The following NEK7 variants were observed in gnomAD, a reference collection of about 807,000 sequenced individuals.
NEK7 encodes the protein NIMA related kinase 7, also known as serine/threonine-protein kinase Nek7.
NEK7 carries 18 observed loss-of-function variants against 44.6 expected under a neutral mutation model. The observed-to-expected ratio is 0.40, with a 90% CI of 0.28 to 0.60. NEK7 has a LOEUF of 0.60. Ranked by LOEUF, NEK7 falls within the 20% of genes least tolerant of loss-of-function variation. The pLI, the probability that NEK7 is intolerant of heterozygous loss-of-function variation, is 0.38. For synonymous variants in NEK7, 130 were observed against 121.1 expected (o/e 1.07, Z -0.48); for missense variants, 256 against 366.5 (o/e 0.70, Z 2.46).
At chr1:198,231,297 GTGTGTATATATATATATATATA>G (rs1438624033) in intron 1 of NEK7, among the ~76,000 whole-genome samples, 9 of 90,212 alleles carry the variant, frequency 1.0e-4, no homozygotes, top group African/African-American at 1.6e-4. Flanking sequence ...GTGTATGTGT[GTGTGTATATATATATATATATA>G]TATATATATA....
chr1:198,271,905 T>TTTTATATA (rs751259588), intron 5 of NEK7, among the ~76,000 whole-genome samples: 4,637 of 140,786 alleles, frequency 0.033, 86 homozygotes, highest in East Asian at 0.052. Flanking sequence ...AATTTATATT[T>TTTTATATA]TATATATATA....
rs948599353 is a variant in NEK7, at chr1:198,315,786, G to C, written c.799-3626G>C. ...GTGCTGTTAGGAAGAGCTGGTTGGG[G>C]AGAAAAAAATACTAATATTTCAGTT... On this transcript the variant is annotated intron_variant, in intron 9 of 9. Transcript: ENST00000367385. 3.3e-5 allele frequency among the ~76,000 whole-genome samples: 5 copies of C among 152,162 alleles called. No homozygotes were observed. In the South Asian group the frequency reaches 1.0e-3, roughly 32 times the overall value.
rs146347351 is a variant in NEK7, at chr1:198,251,190, G to A, written c.58-1850G>A. On this transcript the variant is annotated intron_variant, in intron 2 of 9. Coordinates refer to ENST00000367385, the MANE Select transcript of NEK7 (RefSeq NM_133494.3). ...TATATGCTGGATTACATTGATTTGCGTATACTGAACCAGCCTTGCATCCCA... is the reference window on the plus strand; with the variant it reads ...TATATGCTGGATTACATTGATTTGCATATACTGAACCAGCCTTGCATCCCA... Among the ~76,000 whole-genome samples the A allele has an allele frequency of 4.5e-4, 69 of 151,764 alleles. No individual in the cohort carries two copies. In the East Asian group the frequency reaches 0.01, roughly 23 times the overall value.
chr1:198,204,151 CCGGGAGGCTGGAG>C (rs892863177), intron 1 of NEK7, among the ~76,000 whole-genome samples: 1 of 152,038 alleles, frequency 6.6e-6, no homozygotes, highest in Non-Finnish European at 1.5e-5. Flanking sequence ...GCCCAGCTAC[CCGGGAGGCTGGAG>C]CGGGAGGATC....
intron 1 of NEK7, among the ~76,000 whole-genome samples, chr1:198,216,116 A>G (rs1665911566): frequency 1.3e-5 from 2 of 152,170 alleles, no homozygotes; most frequent in South Asian, 4.1e-4. Context: ...CAAAAACTGC[A>G]GAATATACAT....
At chr1:198,170,360 A>C (rs1294835755) in intron 1 of NEK7, among the ~76,000 whole-genome samples, 1 of 152,114 alleles carries the variant, frequency 6.6e-6, no homozygotes, top group Non-Finnish European at 1.5e-5. Flanking sequence ...AGCAACAGGG[A>C]ATAAAGTGAG....
chr1:198,200,067 T>C (rs1362827679), intron 1 of NEK7, among the ~76,000 whole-genome samples: 1 of 152,216 alleles, frequency 6.6e-6, no homozygotes, highest in East Asian at 1.9e-4. Flanking sequence ...CTTTGTGCAT[T>C]CATTCATTCT....
chr1:198,214,492 A>G (rs541878398), intron 1 of NEK7, among the ~76,000 whole-genome samples: 2 of 152,358 alleles, frequency 1.3e-5, no homozygotes, highest in African/African-American at 4.8e-5. Context: ...AAAATCAATC[A>G]GAACTTCTGG....
At chr1:198,301,664 A>G (rs1310522204) in intron 9 of NEK7, among the ~76,000 whole-genome samples, 1 of 152,248 alleles carries the variant, frequency 6.6e-6, no homozygotes, top group African/African-American at 2.4e-5. Context: ...AGTTTAAGAA[A>G]TGGAAATGAG....
At chr1:198,246,931 A>G (rs1232659794) in intron 2 of NEK7, among the ~76,000 whole-genome samples, 2 of 152,366 alleles carry the variant, frequency 1.3e-5, no homozygotes, top group African/African-American at 4.8e-5. Flanking sequence ...CAGTGCATCA[A>G]TATAAACAAT....
chr1:198,200,045 C>T (rs754710656), intron 1 of NEK7, among the ~76,000 whole-genome samples: 1 of 152,120 alleles, frequency 6.6e-6, no homozygotes, highest in Non-Finnish European at 1.5e-5. Context: ...CTTCTTGCCC[C>T]ATTACCCTGC....
At chr1:198,231,814 C>T (rs1041041438) in intron 1 of NEK7, among the ~76,000 whole-genome samples, 1 of 151,988 alleles carries the variant, frequency 6.6e-6, no homozygotes, top group Non-Finnish European at 1.5e-5. Flanking sequence ...GTTGTTCCAT[C>T]AGTTAATCCC....
At chr1:198,281,223 T>C (rs924336257) in intron 7 of NEK7, among the ~76,000 whole-genome samples, 2 of 152,034 alleles carry the variant, frequency 1.3e-5, no homozygotes, top group African/African-American at 4.8e-5. Flanking sequence ...AAATTGACCC[T>C]AATTTTTACT....
chr1:198,181,255 A>G (rs955918021), intron 1 of NEK7, among the ~76,000 whole-genome samples: 1 of 152,098 alleles, frequency 6.6e-6, no homozygotes, highest in African/African-American at 2.4e-5. Context: ...TTTGATTTCA[A>G]ATTAATTGAT....
chr1:198,220,499 G>C (rs1666051451), intron 1 of NEK7, among the ~76,000 whole-genome samples: 1 of 152,066 alleles, frequency 6.6e-6, no homozygotes, highest in Admixed American at 6.6e-5. Context: ...TATCCTAGTA[G>C]TTCTTAAAAA....
chr1:198,211,986 CCAGT>C, intron 1 of NEK7, among the ~76,000 whole-genome samples: 1 of 152,202 alleles, frequency 6.6e-6, no homozygotes. Flanking sequence ...TTAACCCTAC[CCAGT>C]CCTGGAGCTG....
intron 7 of NEK7, among the ~76,000 whole-genome samples, chr1:198,285,028 AC>A (rs1486271440): frequency 6.6e-6 from 1 of 152,054 alleles, no homozygotes; most frequent in East Asian, 1.9e-4. Context: ...TTAAAACTGA[AC>A]CTGACTGCCC....
At chr1:198,285,048 C>T (rs1039026652) in intron 7 of NEK7, among the ~76,000 whole-genome samples, 1 of 152,136 alleles carries the variant, frequency 6.6e-6, no homozygotes, top group African/African-American at 2.4e-5. Flanking sequence ...CCCCGCTTCA[C>T]TCCCACTCCA....
chr1:198,248,609 G>A lies in NEK7; in HGVS notation c.58-4431G>A, dbSNP rs899201564. On this transcript the variant is annotated intron_variant, in intron 2 of 9. Coordinates refer to ENST00000367385, the MANE Select transcript of NEK7 (RefSeq NM_133494.3). ...ATCAAAAAATGTTATTTAATGATGC[G>A]GTAGTAAACTTCTTGACACTGGACA... Among the ~76,000 whole-genome samples, 8 of 152,176 alleles carry A rather than the reference G, an allele frequency of 5.3e-5. No individual in the cohort carries two copies. The South Asian group carries it at 1.0e-3, about 20-fold the overall frequency.
Sources: gnomAD v4.1 joint callset for allele counts (sites outside exome capture counted in the v4.1 genomes callset) on GRCh38, gnomAD v4.1.1 for gene constraint, MANE v1.5 for transcripts, NCBI Gene and HGNC (gene_info 2026-07-23, HGNC 2026-07-21) for gene names.